The following EFCAB8 variants were observed in gnomAD, a reference collection of about 807,000 sequenced individuals.
EFCAB8 encodes EF-hand calcium binding domain 8.
A neutral mutation model predicts 116.3 loss-of-function variants in EFCAB8; 100 were observed. The ratio of observed to expected loss-of-function variants is 0.86; its 90% CI spans 0.73 to 1.02. The LOEUF is 1.02. Ranked by LOEUF, EFCAB8 falls within the 50% of genes least tolerant of loss-of-function variation. The probability of loss-of-function intolerance (pLI) is 0.00; values close to 1 mark genes in which losing one functional copy is unlikely to be tolerated. For missense variants in EFCAB8, 1,320 were observed against 1,416.9 expected (o/e 0.93, Z 1.10); for synonymous variants, 558 against 567.9 (o/e 0.98, Z 0.25).
At chr20:32,937,167 A>T (rs962627599) in intron 22 of EFCAB8, among the ~76,000 whole-genome samples, 2 of 151,980 alleles carry the variant, frequency 1.3e-5, no homozygotes, top group Non-Finnish European at 2.9e-5. Context: ...TTTAGTAGAG[A>T]CAGGGTTTCT....
intron 6 of EFCAB8, among the ~76,000 whole-genome samples, chr20:32,887,112 C>G (rs1374078256): frequency 6.6e-6 from 1 of 152,176 alleles, no homozygotes; most frequent in Non-Finnish European, 1.5e-5. Flanking sequence ...GCTCTTGGTG[C>G]TCTCTGAGTT....
intron 15 of EFCAB8, among the ~76,000 whole-genome samples, chr20:32,911,275 C>T (rs544667587): frequency 1.3e-5 from 2 of 152,338 alleles, no homozygotes; most frequent in South Asian, 2.1e-4. Context: ...CTTCACCAAA[C>T]GTTCCAGTGC....
chr20:32,925,339 C>A (rs988422788), intron 20 of EFCAB8, among the ~76,000 whole-genome samples: 2 of 152,198 alleles, frequency 1.3e-5, no homozygotes, highest in Admixed American at 1.3e-4. Context: ...CGTGCCTCAA[C>A]CTCCTGAGTA....
intron 22 of EFCAB8, among the ~76,000 whole-genome samples, chr20:32,934,001 G>A (rs1568938881): frequency 7.2e-6 from 1 of 138,138 alleles, no homozygotes. Context: ...TCAAATCAAA[G>A]CAAATCAAAA....
intron 6 of EFCAB8, among the ~76,000 whole-genome samples, chr20:32,887,801 A>C (rs916750844): frequency 6.6e-6 from 1 of 152,192 alleles, no homozygotes; most frequent in Non-Finnish European, 1.5e-5. Flanking sequence ...CTGAGCTCCT[A>C]CTGAGTGCTG....
At chr20:32,917,244 T>A (rs1987230386) in intron 17 of EFCAB8, 57 bp from the exon 18 acceptor site, 1 of 1,345,556 alleles carries the variant, frequency 7.4e-7, no homozygotes, top group Non-Finnish European at 1.0e-6. Context: ...GCTTCCCCAA[T>A]GGATGGAGCA....
In EFCAB8 at chr20:32,885,545, C is replaced by T; in HGVS notation, c.472C>T (p.His158Tyr). The change falls in exon 6 of 27, where the codon CAC becomes TAC. Residue 158 changes from histidine to tyrosine, a missense_variant. Physicochemically the swap from His to Tyr is moderately conservative, Grantham distance 83. Coordinates refer to ENST00000400522, the MANE Select transcript of EFCAB8 (RefSeq NM_001143967.2). ...GGTGGTGAAGGTGGTGTTTTTAATCCACCGGTTCAAGAAGATCGGGTGTTT... is the reference window on the plus strand; with the variant it reads ...GGTGGTGAAGGTGGTGTTTTTAATCTACCGGTTCAAGAAGATCGGGTGTTT... ...CEVVKVVFLI[H>Y]RFKKIGCFLT... The T allele has an allele frequency of 6.4e-7, 1 of 1,551,716 alleles. No individual in the cohort carries two copies. The highest frequency in any genetic ancestry group is 8.7e-7 in the Non-Finnish European group (1 of 1,147,004).
At position 32,889,414 on chromosome 20, in the gene EFCAB8, C is replaced by A. The variant is rs759515679; in HGVS notation, c.673+8C>A. On this transcript the variant is annotated splice_region_variant and intron_variant, in intron 7 of 26. Coordinates refer to ENST00000400522, the MANE Select transcript of EFCAB8 (RefSeq NM_001143967.2). Reference sequence around the variant, plus strand: ...CTACCAGGCAAAAGATAGGTGAGTCCCTGGGGGCTTCCCAGCTCTGCTCTC... The same window carrying A: ...CTACCAGGCAAAAGATAGGTGAGTCACTGGGGGCTTCCCAGCTCTGCTCTC... 2.6e-5 allele frequency: 41 copies of A among 1,551,358 alleles called. No homozygotes were observed. The highest frequency in any genetic ancestry group is 3.6e-5 in the Non-Finnish European group (41 of 1,146,662).
At chr20:32,891,280 A>G (rs1295018454) in intron 7 of EFCAB8, among the ~76,000 whole-genome samples, 1 of 152,076 alleles carries the variant, frequency 6.6e-6, no homozygotes, top group African/African-American at 2.4e-5. Context: ...AAAAAAAAAT[A>G]TTGAATTCTG....
At position 32,895,024 on chromosome 20, in the gene EFCAB8, C is replaced by T. The variant is rs556180877; in HGVS notation, c.884-1430C>T. 5.9e-5 allele frequency among the ~76,000 whole-genome samples: 9 copies of T among 152,376 alleles called. No homozygotes were observed. The East Asian group carries it at 1.2e-3, about 20-fold the overall frequency. ...GCAGTACAATGTTTGGCATGAGCCG[C>T]CAGATCCATCCTTGCTGTCTCTTCC... On this transcript the variant is annotated intron_variant, in intron 9 of 26. Transcript: ENST00000400522.
chr20:32,884,051 T>A (rs1985483824), intron 5 of EFCAB8, among the ~76,000 whole-genome samples: 1 of 152,160 alleles, frequency 6.6e-6, no homozygotes, highest in South Asian at 2.1e-4. Flanking sequence ...TTTCTATTTC[T>A]TTGGGCCATT....
intron 23 of EFCAB8, among the ~76,000 whole-genome samples, chr20:32,949,010 G>A (rs1186141627): frequency 6.6e-6 from 1 of 151,998 alleles, no homozygotes; most frequent in Non-Finnish European, 1.5e-5. Context: ...AAAAAAAAAG[G>A]CATTCAGATT....
chr20:32,918,709 T>G (rs562526348), intron 19 of EFCAB8, 135 bp downstream of exon 19: 30 of 861,644 alleles, frequency 3.5e-5, no homozygotes, highest in Middle Eastern at 6.9e-4. Context: ...TCACTTGTTT[T>G]GAGCATTGTG....
chr20:32,924,209 G>A (rs973808260), intron 20 of EFCAB8, among the ~76,000 whole-genome samples: 4 of 152,008 alleles, frequency 2.6e-5, no homozygotes, highest in Non-Finnish European at 1.5e-5. Context: ...ACAGGTGTGT[G>A]CTACTGTGCC....
intron 26 of EFCAB8, 103 bp downstream of exon 26, chr20:32,960,264 G>A: frequency 9.5e-7 from 1 of 1,054,520 alleles, no homozygotes; most frequent in Non-Finnish European, 1.4e-6. Flanking sequence ...TTCAGTGAGG[G>A]TGGACAGGAG....
At chr20:32,889,938 T>A (rs1600388696) in intron 7 of EFCAB8, among the ~76,000 whole-genome samples, 1 of 148,138 alleles carries the variant, frequency 6.8e-6, no homozygotes, top group Admixed American at 6.8e-5. Flanking sequence ...GAGGTGGAGG[T>A]TGCAGTAAGC....
At chr20:32,877,738 T>C (rs953469054) in intron 4 of EFCAB8, among the ~76,000 whole-genome samples, 3 of 151,988 alleles carry the variant, frequency 2.0e-5, no homozygotes, top group African/African-American at 7.2e-5. Flanking sequence ...GAGTCTGGAG[T>C]TGCGCCAGTG....
At position 32,961,417 on chromosome 20, in the gene EFCAB8, C is replaced by T; in HGVS notation, c.3675C>T (p.Phe1225=). 2.7e-6 allele frequency: 4 copies of T among 1,457,754 alleles called. No individual in the cohort carries two copies. The highest frequency in any genetic ancestry group is 3.6e-6 in the Non-Finnish European group (4 of 1,103,288). The allele number at this position is 1,457,754 out of a possible 1,614,324, so 90.3% of individuals were successfully genotyped here. The change falls in exon 27 of 27, where the codon TTC becomes TTT. Residue 1225 remains phenylalanine (F), a synonymous_variant. Transcript: ENST00000400522. ...TGCCCACCTTCCTGACGCCCCAGTT[C>T]TCCTTCTTGCTGCGGCCCCAGTCAG... ...SSLPTFLTPQ[F]SFLLRPQSAS... is the part of the protein sequence containing the mutation.
Position 32,889,319 on chromosome 20 carries a change from C to T in EFCAB8, c.586C>T (p.Leu196Phe), listed in dbSNP as rs1442659057. The change falls in exon 7 of 27, where the codon CTC becomes TTC. Residue 196 changes from leucine to phenylalanine, a missense_variant. By Grantham distance (22) the Leu-to-Phe change is conservative. Transcript: ENST00000400522. ...SSFRLNQTQQLYNQPMWVIDM... is the reference protein window; with the variant it reads ...SSFRLNQTQQFYNQPMWVIDM... ...TGGCCAGCTTAACCAGACCCAGCAG[C>T]TCTACAACCAGCCGATGTGGGTCAT... 6.4e-7 allele frequency: 1 copy of T among 1,551,724 alleles called. No individual in the cohort carries two copies. Among genetic ancestry groups the T allele is most frequent in the Admixed American group, 2.0e-5 (1 of 50,998 alleles).
Sources: gnomAD v4.1 joint callset for allele counts (sites outside exome capture counted in the v4.1 genomes callset) on GRCh38, gnomAD v4.1.1 for gene constraint, MANE v1.5 for transcripts, NCBI Gene and HGNC (gene_info 2026-07-23, HGNC 2026-07-21) for gene names.